The following SLC44A5 variants were observed in gnomAD, a reference collection of about 807,000 sequenced individuals.
SLC44A5 encodes choline transporter-like protein 5.
Under a neutral mutation model 101.8 loss-of-function variants are expected in SLC44A5, and 57 were observed. The ratio of observed to expected loss-of-function variants is 0.56; its 90% CI spans 0.45 to 0.70. SLC44A5 has a LOEUF of 0.70. Among genes scored for constraint, SLC44A5 ranks in the 30% least tolerant of loss-of-function variants. The pLI is 0.00. For missense variants in SLC44A5, 737 were observed against 853.1 expected, an observed-to-expected ratio of 0.86 and a Z score of 1.70; for synonymous variants, 281 against 290.9, an observed-to-expected ratio of 0.97 and a Z score of 0.35.
intron 3 of SLC44A5, among the ~76,000 whole-genome samples, chr1:75,372,081 C>T (rs1486332752): frequency 6.6e-6 from 1 of 151,614 alleles, no homozygotes; most frequent in East Asian, 1.9e-4. Context: ...CCTGTAATTC[C>T]AGCTACTTGG....
chr1:75,510,797 T>C (rs991482480), intron 2 of SLC44A5, among the ~76,000 whole-genome samples: 5 of 152,156 alleles, frequency 3.3e-5, no homozygotes, highest in African/African-American at 4.8e-5. Context: ...AAAATAAAGA[T>C]ATCTAATCTC....
Position 75,312,368 on chromosome 1 carries a change from A to G in SLC44A5, c.102-11683T>C, listed in dbSNP as rs76771964. Among the ~76,000 whole-genome samples, 1,424 of 152,230 alleles carry G rather than the reference A, an allele frequency of 9.4e-3. 23 individuals are homozygous for G. The highest frequency in any genetic ancestry group is 0.033 in the African/African-American group (1,356 of 41,548). On this transcript the variant is annotated intron_variant, in intron 4 of 23. Transcript: ENST00000370859. Reference sequence around the variant, plus strand: ...GAGAAAGGGATAGAGCAGCTGCTATAGTTTGAATGTGTCCCCCAAGGTTCA... The same window carrying G: ...GAGAAAGGGATAGAGCAGCTGCTATGGTTTGAATGTGTCCCCCAAGGTTCA...
the SLC44A5 span, among the ~76,000 whole-genome samples, chr1:75,638,116 C>T: frequency 6.6e-6 from 1 of 151,800 alleles, no homozygotes; most frequent in East Asian, 1.9e-4. Flanking sequence ...TCTTTTAATC[C>T]TCATGACATC....
intron 1 of SLC44A5, among the ~76,000 whole-genome samples, chr1:75,579,501 G>A (rs936702985): frequency 6.6e-6 from 1 of 151,412 alleles, no homozygotes; most frequent in East Asian, 2.0e-4. Flanking sequence ...ATAAGTTATA[G>A]GTCCCTAAGC....
chr1:75,240,230 C>T (rs759584266), intron 9 of SLC44A5, among the ~76,000 whole-genome samples: 31 of 152,182 alleles, frequency 2.0e-4, no homozygotes, highest in South Asian at 1.0e-3. Context: ...CAAAATCACA[C>T]AAGACATGCA....
intron 14 of SLC44A5, among the ~76,000 whole-genome samples, chr1:75,220,796 G>T (rs1443087119): frequency 6.6e-6 from 1 of 152,072 alleles, no homozygotes; most frequent in African/African-American, 2.4e-5. Flanking sequence ...TTGATGCTTA[G>T]ATTTTTTTGT....
the SLC44A5 span, among the ~76,000 whole-genome samples, chr1:75,691,620 C>T: frequency 9.2e-5 from 14 of 152,236 alleles, no homozygotes; most frequent in African/African-American, 3.1e-4. Context: ...TCTCCTAATC[C>T]TTGGTTGGGG....
intron 2 of SLC44A5, among the ~76,000 whole-genome samples, chr1:75,511,361 C>T (rs1447959073): frequency 6.6e-6 from 1 of 151,942 alleles, no homozygotes; most frequent in East Asian, 1.9e-4. Context: ...GACTTTTACA[C>T]GGTAATTATA....
intron 2 of SLC44A5, among the ~76,000 whole-genome samples, chr1:75,399,517 AG>A (rs1662340430): frequency 6.6e-6 from 1 of 152,192 alleles, no homozygotes; most frequent in Non-Finnish European, 1.5e-5. Context: ...ACCAGATGCA[AG>A]GTCTGGCCCT....
chr1:75,394,253 A>G (rs1238733923), intron 3 of SLC44A5, among the ~76,000 whole-genome samples: 1 of 152,178 alleles, frequency 6.6e-6, no homozygotes, highest in Non-Finnish European at 1.5e-5. Context: ...TGAGGAAAAG[A>G]ATTCTGTAAT....
At chr1:75,481,199 A>C (rs568128671) in intron 2 of SLC44A5, among the ~76,000 whole-genome samples, 1 of 152,374 alleles carries the variant, frequency 6.6e-6, no homozygotes, top group South Asian at 2.1e-4. Flanking sequence ...CTGGCTAGCC[A>C]TATGTAGAAA....
intron 2 of SLC44A5, among the ~76,000 whole-genome samples, chr1:75,503,465 T>C (rs1246880128): frequency 6.6e-6 from 1 of 152,128 alleles, no homozygotes; most frequent in African/African-American, 2.4e-5. Flanking sequence ...TGCGAAGACA[T>C]GCTTGCTTCC....
chr1:75,244,498 C>T (rs1570456007), intron 7 of SLC44A5, among the ~76,000 whole-genome samples: 3 of 151,822 alleles, frequency 2.0e-5, no homozygotes, highest in South Asian at 2.1e-4. Context: ...TATTAGTGCC[C>T]GTGAATTCTC....
intron 1 of SLC44A5, among the ~76,000 whole-genome samples, chr1:75,553,091 AAAG>A (rs1407129189): frequency 5.3e-5 from 8 of 152,176 alleles, no homozygotes; most frequent in East Asian, 1.9e-4. Context: ...ATTTTCCAAA[AAAG>A]AAGTAGACTA....
intron 6 of SLC44A5, among the ~76,000 whole-genome samples, chr1:75,268,888 G>T (rs78415856): frequency 2.0e-5 from 3 of 151,824 alleles, no homozygotes; most frequent in Non-Finnish European, 1.5e-5. Context: ...GAAACATTTA[G>T]GTTGTTTCCA....
intron 4 of SLC44A5, among the ~76,000 whole-genome samples, chr1:75,312,852 C>G (rs1445668210): frequency 6.6e-6 from 1 of 152,068 alleles, no homozygotes; most frequent in East Asian, 1.9e-4. Context: ...CTTGACAGTT[C>G]ATGACTCACC....
At chr1:75,701,968 T>A in the SLC44A5 span, among the ~76,000 whole-genome samples, 1 of 152,058 alleles carries the variant, frequency 6.6e-6, no homozygotes, top group East Asian at 1.9e-4. Flanking sequence ...AAGGACCTCT[T>A]CAAGGAGAAC....
intron 2 of SLC44A5, among the ~76,000 whole-genome samples, chr1:75,524,824 T>C (rs1262698469): frequency 6.6e-6 from 1 of 152,146 alleles, no homozygotes; most frequent in African/African-American, 2.4e-5. Flanking sequence ...ATATATATCC[T>C]TATCTGTATT....
chr1:75,396,637 A>C lies in SLC44A5; in HGVS notation c.14-16T>G. 1 of 1,609,046 alleles carries C rather than the reference A, an allele frequency of 6.2e-7. No individual in the cohort carries two copies. The highest frequency in any genetic ancestry group is 8.5e-7 in the Non-Finnish European group (1 of 1,175,880). The stretch of plus-strand genomic sequence containing the variant: ...GCTGGTTTTTCTAGGAAAAAGCACA[A>C]AAGGCAAAAAAAATATTTGTAGGGG... On this transcript the variant is annotated splice_polypyrimidine_tract_variant and intron_variant, in intron 2 of 23. Transcript: ENST00000370859.
Sources: allele counts gnomAD v4.1 joint callset (sites outside exome capture counted in the v4.1 genomes callset), GRCh38; gene constraint gnomAD v4.1.1; transcripts MANE v1.5; gene names NCBI Gene and HGNC (gene_info 2026-07-23, HGNC 2026-07-21).